SPTSSA: variants seen among roughly 807,000 people sequenced by gnomAD.
SPTSSA encodes serine palmitoyltransferase small subunit A.
In SPTSSA, 8 loss-of-function variants were observed where a neutral mutation model predicts 9.1. The ratio of observed to expected loss-of-function variants is 0.88; its 90% CI spans 0.51 to 1.58. The LOEUF (loss-of-function observed/expected upper bound fraction) is 1.58. Among genes scored for constraint, SPTSSA ranks in the 40% most tolerant of loss-of-function variants. The probability of loss-of-function intolerance (pLI) is 0.00; values close to 1 mark genes in which losing one functional copy is unlikely to be tolerated. For missense variants in SPTSSA, 100 were observed against 93.8 expected, an observed-to-expected ratio of 1.07 and a Z score of -0.27; for synonymous variants, 42 against 37.7, an observed-to-expected ratio of 1.11 and a Z score of -0.41.
intron 1 of SPTSSA, among the ~76,000 whole-genome samples, chr14:34,442,956 G>C (rs1364453611): frequency 1.7e-5 from 2 of 116,238 alleles, no homozygotes; most frequent in Non-Finnish European, 3.5e-5. Context: ...GTCTAGGGGG[G>C]TGTGTGTGTG....
rs924703526 is a variant in SPTSSA, at chr14:34,458,877, C to T, written c.112+3219G>A. Reference sequence around the variant, plus strand: ...GCCCCTGGAAAGTACAGTGATAGTACGTTATCAATTTCCCCTGAAATTACA... The same window carrying T: ...GCCCCTGGAAAGTACAGTGATAGTATGTTATCAATTTCCCCTGAAATTACA... On this transcript the variant is annotated intron_variant, in intron 1 of 1. Transcript: ENST00000298130. Among the ~76,000 whole-genome samples the T allele has an allele frequency of 9.3e-5, 14 of 150,120 alleles. No individual in the cohort carries two copies. The South Asian group carries it at 1.5e-3, about 16-fold the overall frequency.
chr14:34,443,171 G>GTGTGTGTGTGTGTGTGTGTGTT lies in SPTSSA; in HGVS notation c.113-7868_113-7867insAACACACACACACACACACACA, dbSNP rs775781106. ...TGTGTGTGTGTGTGTGTGTGTGTGT[G>GTGTGTGTGTGTGTGTGTGTGTT]TTTTGAGATTGAGTTTTCCTCTAGG... is the stretch of plus-strand genomic sequence containing the variant. On this transcript the variant is annotated intron_variant, in intron 1 of 1. Coordinates refer to ENST00000298130, the MANE Select transcript of SPTSSA (RefSeq NM_138288.4). Among the ~76,000 whole-genome samples the GTGTGTGTGTGTGTGTGTGTGTT allele has an allele frequency of 1.1e-4, 7 of 62,094 alleles. 1 individual carries two copies. The highest frequency in any genetic ancestry group is 7.9e-4 in the African/African-American group (5 of 6,364). The allele number at this position is 62,094 out of a possible 152,430, so 40.7% of individuals were successfully genotyped here. A position where few individuals can be genotyped will look rare whatever the true frequency, so the allele number is the denominator to read the frequency against.
chr14:34,441,487 T>TGGA (rs1883315655), intron 1 of SPTSSA, among the ~76,000 whole-genome samples: 1 of 152,240 alleles, frequency 6.6e-6, no homozygotes, highest in Non-Finnish European at 1.5e-5. Context: ...CCTTCATTCC[T>TGGA]TCCTTGCTTT....
intron 1 of SPTSSA, among the ~76,000 whole-genome samples, chr14:34,436,545 A>T (rs1382806681): frequency 1.3e-5 from 2 of 152,202 alleles, no homozygotes; most frequent in Admixed American, 6.5e-5. Flanking sequence ...TATTATTTTT[A>T]AAATAACTTA....
intron 1 of SPTSSA, among the ~76,000 whole-genome samples, chr14:34,445,469 C>A (rs552901790): frequency 3.3e-5 from 5 of 152,144 alleles, no homozygotes; most frequent in Non-Finnish European, 7.4e-5. Flanking sequence ...CCACTGCACT[C>A]CAGCCTGGGC....
intron 1 of SPTSSA, among the ~76,000 whole-genome samples, chr14:34,442,198 G>A (rs1380396315): frequency 1.3e-5 from 2 of 151,858 alleles, no homozygotes; most frequent in African/African-American, 4.9e-5. Flanking sequence ...TATAGTTGCC[G>A]TGGACTCTTT....
intron 1 of SPTSSA, among the ~76,000 whole-genome samples, chr14:34,455,615 A>G (rs540454559): frequency 2.0e-5 from 3 of 152,084 alleles, no homozygotes; most frequent in African/African-American, 7.2e-5. Flanking sequence ...CAAATACTTT[A>G]ATTAGTATAT....
chr14:34,447,225 T>TAAA (rs79063928), intron 1 of SPTSSA, among the ~76,000 whole-genome samples: 24 of 85,302 alleles, frequency 2.8e-4, no homozygotes, highest in African/African-American at 6.9e-4. Flanking sequence ...CTCCATCTCT[T>TAAA]AAAAAAAAAA....
intron 1 of SPTSSA, among the ~76,000 whole-genome samples, chr14:34,445,813 A>G (rs1883410848): frequency 6.6e-6 from 1 of 152,240 alleles, no homozygotes; most frequent in African/African-American, 2.4e-5. Context: ...GTCTAAGTAT[A>G]CGCTATCAAC....
At chr14:34,443,361 T>A (rs1470315935) in intron 1 of SPTSSA, among the ~76,000 whole-genome samples, 2 of 15,626 alleles carry the variant, frequency 1.3e-4, no homozygotes, top group South Asian at 4.7e-3. Flanking sequence ...TGTGAGTGTG[T>A]GTGTGTGTGT....
At chr14:34,446,655 C>A (rs1486837565) in intron 1 of SPTSSA, among the ~76,000 whole-genome samples, 2 of 152,188 alleles carry the variant, frequency 1.3e-5, no homozygotes, top group Admixed American at 6.5e-5. Context: ...GGCCTTCCCT[C>A]TTCTAGAAGG....
At chr14:34,461,725 T>A (rs1878619696) in intron 1 of SPTSSA, among the ~76,000 whole-genome samples, 1 of 152,260 alleles carries the variant, frequency 6.6e-6, no homozygotes, top group African/African-American at 2.4e-5. Flanking sequence ...TGTGCTCCAC[T>A]GTTACATGAT....
intron 1 of SPTSSA, among the ~76,000 whole-genome samples, chr14:34,446,021 T>TAGA (rs2138824679): frequency 6.6e-6 from 1 of 152,328 alleles, no homozygotes; most frequent in Non-Finnish European, 1.5e-5. Flanking sequence ...TCCACTGATA[T>TAGA]CTGGTTGTAT....
chr14:34,436,498 C>T (rs1441547667), intron 1 of SPTSSA, among the ~76,000 whole-genome samples: 1 of 152,106 alleles, frequency 6.6e-6, no homozygotes, highest in East Asian at 1.9e-4. Flanking sequence ...TTGCCTTTCC[C>T]CTTTCTCAAC....
chr14:34,435,971 C>T (rs1362354375), intron 1 of SPTSSA, among the ~76,000 whole-genome samples: 1 of 151,894 alleles, frequency 6.6e-6, no homozygotes, highest in Non-Finnish European at 1.5e-5. Context: ...ACTGTTCTAC[C>T]TAAGAAATAA....
intron 1 of SPTSSA, among the ~76,000 whole-genome samples, chr14:34,437,206 C>T (rs1295257759): frequency 1.3e-5 from 2 of 152,166 alleles, no homozygotes; most frequent in Non-Finnish European, 2.9e-5. Flanking sequence ...TGCACTCCAG[C>T]CTGAGCAACA....
chr14:34,462,053 C>T, intron 1 of SPTSSA, 43 bp downstream of exon 1: 2 of 1,261,998 alleles, frequency 1.6e-6, no homozygotes, highest in East Asian at 3.8e-5. Flanking sequence ...CCGCGGCCCG[C>T]GCCCCCAGCC....
At chr14:34,454,984 G>A (rs1042113149) in intron 1 of SPTSSA, among the ~76,000 whole-genome samples, 3 of 152,002 alleles carry the variant, frequency 2.0e-5, no homozygotes, top group African/African-American at 4.8e-5. Context: ...CTACTCGTGA[G>A]GCTGAGGCAG....
chr14:34,454,991 G>T (rs933404676), intron 1 of SPTSSA, among the ~76,000 whole-genome samples: 2 of 152,014 alleles, frequency 1.3e-5, no homozygotes, highest in African/African-American at 4.8e-5. Context: ...TGAGGCTGAG[G>T]CAGGAGAATT....
Sources: gnomAD v4.1 joint callset for allele counts (sites outside exome capture counted in the v4.1 genomes callset) on GRCh38, gnomAD v4.1.1 for gene constraint, MANE v1.5 for transcripts, NCBI Gene and HGNC (gene_info 2026-07-23, HGNC 2026-07-21) for gene names.